Variants in SAMD8 observed in about 807,000 individuals in gnomAD.
SAMD8 encodes the protein sterile alpha motif domain containing 8.
In SAMD8, 20 loss-of-function variants were observed where a neutral mutation model predicts 42.0. That is an observed-to-expected ratio of 0.48 (90% confidence interval 0.34 to 0.69). The LOEUF (loss-of-function observed/expected upper bound fraction) is 0.69. SAMD8 is among the 30% of genes least tolerant of loss of function. SAMD8 has a pLI of 0.01. For synonymous variants in SAMD8, 162 were observed against 173.0 expected (o/e 0.94, Z 0.50); for missense variants, 328 against 511.6 (o/e 0.64, Z 3.46).
At chr10:75,117,097 C>T (rs1462759283) in intron 1 of SAMD8, among the ~76,000 whole-genome samples, 2 of 152,026 alleles carry the variant, frequency 1.3e-5, no homozygotes, top group Non-Finnish European at 2.9e-5. Flanking sequence ...GCGTGAACCA[C>T]CGCAGCCTGC....
At chr10:75,133,350 C>T (rs1437718832) in intron 1 of SAMD8, among the ~76,000 whole-genome samples, 1 of 152,032 alleles carries the variant, frequency 6.6e-6, no homozygotes, top group Non-Finnish European at 1.5e-5. Flanking sequence ...TTGCAGTGGG[C>T]CAAGACTGCA....
intron 1 of SAMD8, among the ~76,000 whole-genome samples, chr10:75,137,944 A>C (rs1589950289): frequency 6.6e-6 from 1 of 152,208 alleles, no homozygotes; most frequent in African/African-American, 2.4e-5. Context: ...AACCACTACT[A>C]CTTGCCCCAC....
upstream of SAMD8, chr10:75,107,942 C>T: frequency 6.5e-7 from 1 of 1,546,134 alleles, no homozygotes; most frequent in Non-Finnish European, 8.8e-7. Flanking sequence ...ATGAGGCATC[C>T]TCCCCATGAA....
At chr10:75,134,935 C>G (rs1442484954) in intron 1 of SAMD8, among the ~76,000 whole-genome samples, 2 of 151,986 alleles carry the variant, frequency 1.3e-5, no homozygotes, top group African/African-American at 4.8e-5. Flanking sequence ...ATGGCACATG[C>G]CTGTAGTCCC....
Position 75,136,815 on chromosome 10 carries a change from T to A in SAMD8, c.-15-13699T>A, listed in dbSNP as rs138108613. Among the ~76,000 whole-genome samples the A allele has an allele frequency of 1.4e-3, 210 of 152,236 alleles. 10 individuals are homozygous for A. The East Asian group carries it at 0.034, about 24-fold the overall frequency. ...AATATACAAAGGTCTAGTAAGCATA[T>A]GAAAAGATGTTCCACATGGCTAATC... On this transcript the variant is annotated intron_variant, in intron 1 of 5. Coordinates refer to ENST00000542569, the MANE Select transcript of SAMD8 (RefSeq NM_001174156.2).
At chr10:75,116,472 T>C (rs1848884317) in intron 1 of SAMD8, among the ~76,000 whole-genome samples, 1 of 152,224 alleles carries the variant, frequency 6.6e-6, no homozygotes, top group Non-Finnish European at 1.5e-5. Flanking sequence ...GTATCTGTTA[T>C]CTTGATACTT....
chr10:75,111,590 CT>C, upstream of SAMD8: 1 of 1,251,454 alleles, frequency 8.0e-7, no homozygotes, highest in East Asian at 3.1e-5. Flanking sequence ...TCCACTCCGG[CT>C]CCCCGCCCCG....
intron 2 of SAMD8, among the ~76,000 whole-genome samples, chr10:75,158,753 C>T (rs1840480283): frequency 6.6e-6 from 1 of 152,160 alleles, no homozygotes; most frequent in Admixed American, 6.5e-5. Flanking sequence ...ACCCTAGCAA[C>T]CACTAATCTA....
At chr10:75,128,224 T>C (rs2134440952) in intron 1 of SAMD8, among the ~76,000 whole-genome samples, 1 of 151,812 alleles carries the variant, frequency 6.6e-6, no homozygotes. Context: ...AGGCACATGC[T>C]ACCACGTCCA....
At chr10:75,130,143 A>G (rs906777323) in intron 1 of SAMD8, among the ~76,000 whole-genome samples, 6 of 152,158 alleles carry the variant, frequency 3.9e-5, no homozygotes, top group Admixed American at 2.0e-4. Flanking sequence ...GGTGAATATC[A>G]TAATGTCTTT....
intron 1 of SAMD8, among the ~76,000 whole-genome samples, chr10:75,123,369 G>A: frequency 6.6e-6 from 1 of 152,102 alleles, no homozygotes; most frequent in Non-Finnish European, 1.5e-5. Flanking sequence ...GTGCTGTTTG[G>A]GTTTGAAGTC....
At chr10:75,172,430 T>G (rs879852857) in intron 4 of SAMD8, among the ~76,000 whole-genome samples, 1 of 151,898 alleles carries the variant, frequency 6.6e-6, no homozygotes, top group Non-Finnish European at 1.5e-5. Context: ...AAATTCCTGG[T>G]CTCAGGCAGT....
intron 1 of SAMD8, among the ~76,000 whole-genome samples, chr10:75,123,771 A>T (rs1589937430): frequency 6.6e-6 from 1 of 150,846 alleles, no homozygotes; most frequent in Non-Finnish European, 1.5e-5. Context: ...GCTCACTGCA[A>T]CCTCTGCCTC....
At chr10:75,103,975 C>G (rs1242472897) in intron 1 of SAMD8, 5 of 1,339,938 alleles carry the variant, frequency 3.7e-6, no homozygotes, top group Non-Finnish European at 5.0e-6. Flanking sequence ...TAGGGCCGAC[C>G]CCACGCTGGG....
intron 1 of SAMD8, chr10:75,105,841 C>G: frequency 1.3e-6 from 2 of 1,550,560 alleles, no homozygotes; most frequent in South Asian, 1.2e-5. Context: ...GCGGCTCACG[C>G]CCACCACACA....
upstream of SAMD8, among the ~76,000 whole-genome samples, chr10:75,109,527 C>T (rs1373645266): frequency 1.3e-5 from 2 of 152,178 alleles, no homozygotes; most frequent in African/African-American, 4.8e-5. Context: ...ATGTAGAGCC[C>T]TGCCTAAGGC....
intron 1 of SAMD8, among the ~76,000 whole-genome samples, chr10:75,124,577 C>G (rs911395933): frequency 1.4e-5 from 2 of 147,762 alleles, no homozygotes; most frequent in African/African-American, 5.0e-5. Flanking sequence ...GGTACCATTG[C>G]ACTCCAGCCT....
intron 1 of SAMD8, chr10:75,105,928 G>C: frequency 6.7e-7 from 1 of 1,489,708 alleles, no homozygotes; most frequent in Non-Finnish European, 9.1e-7. Flanking sequence ...CACGGGCTGG[G>C]ATGGGGACCC....
At chr10:75,126,848 A>C (rs1293505579) in intron 1 of SAMD8, among the ~76,000 whole-genome samples, 1 of 151,896 alleles carries the variant, frequency 6.6e-6, no homozygotes, top group African/African-American at 2.4e-5. Flanking sequence ...TATAATAGAC[A>C]CTTAGTAAAT....
Sources: allele counts gnomAD v4.1 joint callset (sites outside exome capture counted in the v4.1 genomes callset), GRCh38; gene constraint gnomAD v4.1.1; transcripts MANE v1.5; gene names NCBI Gene and HGNC (gene_info 2026-07-23, HGNC 2026-07-21).